Variants in ANOS1 observed in about 807,000 individuals in gnomAD.
ANOS1 encodes anosmin-1.
ANOS1 carries 6 observed loss-of-function variants against 59.0 expected under a neutral mutation model. That is an observed-to-expected ratio of 0.10 (90% confidence interval 0.06 to 0.20). ANOS1 has a LOEUF of 0.20. Among genes scored for constraint, ANOS1 ranks in the 10% least tolerant of loss-of-function variants. The pLI is 1.00. For missense variants in ANOS1, 433 were observed against 542.3 expected, an observed-to-expected ratio of 0.80 and a Z score of 2.00; for synonymous variants, 217 against 223.4, an observed-to-expected ratio of 0.97 and a Z score of 0.25.
chrX:8,684,648 C>T (rs1932476513), intron 2 of ANOS1, among the ~76,000 whole-genome samples: 1 of 109,673 alleles, frequency 9.1e-6, no homozygotes, highest in African/African-American at 3.3e-5. Context: ...CGAATGCCTG[C>T]CCCCCACCCC....
intron 9 of ANOS1, among the ~76,000 whole-genome samples, chrX:8,545,814 G>C (rs1420395160): frequency 8.9e-6 from 1 of 112,152 alleles, no homozygotes; most frequent in Non-Finnish European, 1.9e-5. Context: ...TGTGACATAA[G>C]AACCCATTTC....
At chrX:8,713,314 T>G (rs191136485) in intron 1 of ANOS1, among the ~76,000 whole-genome samples, 2 of 110,074 alleles carry the variant, frequency 1.8e-5, no homozygotes, top group African/African-American at 6.6e-5. Flanking sequence ...TGGCACCTCT[T>G]ATCAAGCAAA....
intron 2 of ANOS1, among the ~76,000 whole-genome samples, chrX:8,653,551 T>A (rs1251215108): frequency 8.9e-6 from 1 of 111,844 alleles, no homozygotes; most frequent in African/African-American, 3.3e-5. Flanking sequence ...CTTCCCCACA[T>A]ACCTACAATC....
At chrX:8,689,628 A>G (rs1341342103) in intron 2 of ANOS1, among the ~76,000 whole-genome samples, 1 of 110,496 alleles carries the variant, frequency 9.1e-6, no homozygotes, top group East Asian at 2.8e-4. Context: ...GGATTACTTG[A>G]GCCTGTGAAG....
chrX:8,654,901 T>A (rs1212969085), intron 2 of ANOS1, among the ~76,000 whole-genome samples: 1 of 112,355 alleles, frequency 8.9e-6, no homozygotes, highest in Non-Finnish European at 1.9e-5. Flanking sequence ...AAATCAAACA[T>A]CAGTGTCCAA....
intron 2 of ANOS1, among the ~76,000 whole-genome samples, chrX:8,699,062 T>C (rs1172457971): frequency 9.0e-6 from 1 of 111,629 alleles, no homozygotes; most frequent in Non-Finnish European, 1.9e-5. Context: ...CTCATTTACA[T>C]AACCTGATTA....
chrX:8,626,528 A>G (rs1931396448), intron 2 of ANOS1, among the ~76,000 whole-genome samples: 1 of 111,865 alleles, frequency 8.9e-6, no homozygotes, highest in Admixed American at 9.5e-5. Flanking sequence ...CAATTCTAAA[A>G]GAAAAACAAT....
chrX:8,624,478 G>A (rs779200628), intron 2 of ANOS1, among the ~76,000 whole-genome samples: 4 of 108,838 alleles, frequency 3.7e-5, no homozygotes, highest in Admixed American at 1.0e-4. Flanking sequence ...GTACACATAT[G>A]TATTATTGTT....
At chrX:8,706,222 T>C (rs1315921657) in intron 1 of ANOS1, among the ~76,000 whole-genome samples, 1 of 112,303 alleles carries the variant, frequency 8.9e-6, no homozygotes, top group Non-Finnish European at 1.9e-5. Flanking sequence ...CTCATTTCCT[T>C]CAACATAGCC....
At chrX:8,716,466 G>A (rs899641420) in intron 1 of ANOS1, among the ~76,000 whole-genome samples, 2 of 112,357 alleles carry the variant, frequency 1.8e-5, no homozygotes, top group African/African-American at 6.5e-5. Flanking sequence ...GAATGGGGAT[G>A]TCCATGTCTC....
intron 2 of ANOS1, among the ~76,000 whole-genome samples, chrX:8,632,773 T>TAA (rs574902851): frequency 6.8e-5 from 7 of 102,498 alleles, no homozygotes; most frequent in South Asian, 4.3e-4. Flanking sequence ...TTGGGGTTCT[T>TAA]AAAAAAAAAA....
chrX:8,624,474 A>G (rs1269550164), intron 2 of ANOS1, among the ~76,000 whole-genome samples: 1 of 109,477 alleles, frequency 9.1e-6, no homozygotes, highest in Non-Finnish European at 1.9e-5. Context: ...GTATGTACAC[A>G]TATGTATTAT....
At chrX:8,691,810 A>G (rs759001870) in intron 2 of ANOS1, among the ~76,000 whole-genome samples, 8 of 111,710 alleles carry the variant, frequency 7.2e-5, no homozygotes, top group Non-Finnish European at 1.1e-4. Flanking sequence ...ATCTTTCACA[A>G]TTTTTCTTGA....
At chrX:8,703,299 T>A (rs770131055) in intron 1 of ANOS1, among the ~76,000 whole-genome samples, 1 of 112,177 alleles carries the variant, frequency 8.9e-6, no homozygotes, top group Non-Finnish European at 1.9e-5. Flanking sequence ...AAAGTGGGCA[T>A]GGCAACTGTT....
At position 8,531,881 on chromosome X, in the gene ANOS1, C is replaced by T. The variant is rs1929504311; in HGVS notation, c.*1114G>A. 1 of 111,668 alleles carries T rather than the reference C, an allele frequency of 9.0e-6. No individual in the cohort carries two copies. The highest frequency in any genetic ancestry group is 4.7e-3 in the Middle Eastern group (1 of 212). The allele number at this position is 111,668 out of a possible 1,213,427, so 9.2% of individuals were successfully genotyped here. On this transcript the variant is annotated 3_prime_UTR_variant, in exon 14 of 14. Transcript: ENST00000262648. ...ACTGCAACACTCTATATTGATAACA[C>T]GTTTTGACTTAAGTTCATGCTACAA...
chrX:8,639,635 A>T (rs897104914), intron 2 of ANOS1, among the ~76,000 whole-genome samples: 3 of 112,379 alleles, frequency 2.7e-5, no homozygotes, highest in Non-Finnish European at 5.6e-5. Flanking sequence ...GAAAAACAAG[A>T]AACTCATATC....
chrX:8,538,852 C>G (rs1417466942), intron 10 of ANOS1, among the ~76,000 whole-genome samples: 1 of 111,750 alleles, frequency 8.9e-6, no homozygotes, highest in Non-Finnish European at 1.9e-5. Flanking sequence ...TAAAATTATG[C>G]CAGCAGGTAT....
intron 8 of ANOS1, among the ~76,000 whole-genome samples, chrX:8,554,542 G>GTTTTTTTTTTTTTTT (rs757605733): frequency 1.6e-4 from 8 of 50,836 alleles, no homozygotes; most frequent in African/African-American, 1.7e-4. Context: ...GGCTACAGGA[G>GTTTTTTTTTTTTTTT]TTTTTTTTTT....
intron 2 of ANOS1, among the ~76,000 whole-genome samples, chrX:8,633,269 A>G (rs1465219198): frequency 8.9e-6 from 1 of 111,825 alleles, no homozygotes; most frequent in Non-Finnish European, 1.9e-5. Context: ...TTATCAGGAA[A>G]CACGGGCCTC....
Sources: gnomAD v4.1 joint callset for allele counts (sites outside exome capture counted in the v4.1 genomes callset) on GRCh38, gnomAD v4.1.1 for gene constraint, MANE v1.5 for transcripts, NCBI Gene and HGNC (gene_info 2026-07-23, HGNC 2026-07-21) for gene names.